The following DNAH11 variants were observed in gnomAD, a reference collection of about 807,000 sequenced individuals.
The protein encoded by DNAH11 is axonemal beta dynein heavy chain 11.
DNAH11 carries 442 observed loss-of-function variants against 526.0 expected under a neutral mutation model. That is an observed-to-expected ratio of 0.84 (90% CI 0.78 to 0.91). The LOEUF is 0.91. Ranked by LOEUF, DNAH11 falls within the 40% of genes least tolerant of loss-of-function variation. The pLI is 0.00. For synonymous variants in DNAH11, 2,461 were observed against 1,935.9 expected (o/e 1.27, Z -7.12); for missense variants, 6,989 against 5,448.7 (o/e 1.28, Z -8.90).
chr7:21,884,891 T>A (rs1187404478), intron 76 of DNAH11, among the ~76,000 whole-genome samples: 1 of 152,142 alleles, frequency 6.6e-6, no homozygotes, highest in Non-Finnish European at 1.5e-5. Flanking sequence ...TAGAAAATAG[T>A]CTACAGTTGG....
intron 34 of DNAH11, 68 bp from the exon 35 acceptor site, chr7:21,690,697 T>C: frequency 8.3e-7 from 1 of 1,206,838 alleles, no homozygotes; most frequent in Non-Finnish European, 1.2e-6. Flanking sequence ...TGCAGTGGTT[T>C]GCATTTGTCA....
At chr7:21,648,114 C>T (rs998434369) in intron 28 of DNAH11, among the ~76,000 whole-genome samples, 3 of 152,176 alleles carry the variant, frequency 2.0e-5, no homozygotes, top group African/African-American at 4.8e-5. Context: ...ATTATAATAA[C>T]TGGCTATGTT....
intron 36 of DNAH11, among the ~76,000 whole-genome samples, chr7:21,701,257 A>G (rs889072454): frequency 6.6e-6 from 1 of 151,316 alleles, no homozygotes; most frequent in Admixed American, 6.6e-5. Flanking sequence ...CACATGTACA[A>G]CTGAACCAAA....
At position 21,638,976 on chromosome 7, in the gene DNAH11, G is replaced by A. The variant is rs866705171; in HGVS notation, c.4855G>A (p.Glu1619Lys). The change falls in exon 28 of 82, where the codon GAA becomes AAA. Residue 1619 changes from glutamate (E) to lysine (K), a missense_variant. Coordinates refer to ENST00000409508, the MANE Select transcript of DNAH11 (RefSeq NM_001277115.2). The stretch of plus-strand genomic sequence containing the variant: ...TGAAAAAGCTCTCGCTGAATACCTG[G>A]AAACCAAGCGCATAGCCTTTCCTCG... Reference protein sequence around the residue: ...LCEKALAEYLETKRIAFPRFY... With the variant: ...LCEKALAEYLKTKRIAFPRFY... 1 of 1,612,992 alleles carries A rather than the reference G, an allele frequency of 6.2e-7. No individual in the cohort carries two copies. Among genetic ancestry groups the A allele is most frequent in the African/African-American group, 1.3e-5 (1 of 74,856 alleles).
At chr7:21,569,431 C>A (rs1363511017) in intron 6 of DNAH11, among the ~76,000 whole-genome samples, 1 of 152,056 alleles carries the variant, frequency 6.6e-6, no homozygotes, top group African/African-American at 2.4e-5. Flanking sequence ...TCGGTTGATC[C>A]CATGAGAATT....
intron 32 of DNAH11, among the ~76,000 whole-genome samples, chr7:21,685,042 T>C (rs1219274049): frequency 6.6e-6 from 1 of 152,252 alleles, no homozygotes; most frequent in African/African-American, 2.4e-5. Context: ...ACTACATTTG[T>C]GATTGTTCTT....
At chr7:21,896,885 C>T (rs537709611) in intron 79 of DNAH11, among the ~76,000 whole-genome samples, 1 of 151,940 alleles carries the variant, frequency 6.6e-6, no homozygotes, top group Non-Finnish European at 1.5e-5. Context: ...ATAATGAGAC[C>T]CTGTCTCTAA....
intron 45 of DNAH11, among the ~76,000 whole-genome samples, 172 bp from the exon 46 acceptor site, chr7:21,735,468 T>A (rs1386290734): frequency 1.3e-5 from 2 of 152,224 alleles, no homozygotes; most frequent in Non-Finnish European, 1.5e-5. Context: ...CCATTCAAAA[T>A]TGAAAATAAG....
In DNAH11 at chr7:21,546,450, T is replaced by G. The variant is rs183364293; in HGVS notation, c.495+1301T>G. On this transcript the variant is annotated intron_variant, in intron 2 of 81. Coordinates refer to ENST00000409508, the MANE Select transcript of DNAH11 (RefSeq NM_001277115.2). ...ATGACTTTGGTTCAATATGAGAATC[T>G]AGACCACTATCAACTGGAACTTGGA... is the stretch of plus-strand genomic sequence containing the variant. Among the ~76,000 whole-genome samples the G allele has an allele frequency of 4.6e-4, 70 of 152,332 alleles. 2 individuals carry two copies. The highest frequency in any genetic ancestry group is 3.7e-3 in the Admixed American group (57 of 15,308).
intron 2 of DNAH11, among the ~76,000 whole-genome samples, chr7:21,549,070 G>C (rs961799423): frequency 4.6e-5 from 7 of 152,188 alleles, no homozygotes; most frequent in Admixed American, 2.0e-4. Flanking sequence ...GTAGAGACAG[G>C]GTTTCGCCAT....
At chr7:21,879,885 G>A (rs951495407) in intron 74 of DNAH11, among the ~76,000 whole-genome samples, 5 of 152,116 alleles carry the variant, frequency 3.3e-5, no homozygotes, top group African/African-American at 1.2e-4. Context: ...AGGAGTTCAA[G>A]ACCAGCCTGG....
chr7:21,682,105 G>T (rs1783167035), intron 31 of DNAH11, among the ~76,000 whole-genome samples: 1 of 152,168 alleles, frequency 6.6e-6, no homozygotes, highest in African/African-American at 2.4e-5. Context: ...GAAGAGAGAG[G>T]TGTTGGTCAT....
At chr7:21,766,207 T>C (rs1787179180) in intron 55 of DNAH11, among the ~76,000 whole-genome samples, 1 of 152,214 alleles carries the variant, frequency 6.6e-6, no homozygotes, top group Admixed American at 6.5e-5. Context: ...CATTTTAAAA[T>C]GGTTGTACAA....
chr7:21,789,678 G>T (rs1308760600), intron 61 of DNAH11, among the ~76,000 whole-genome samples: 1 of 151,994 alleles, frequency 6.6e-6, no homozygotes, highest in East Asian at 1.9e-4. Context: ...GTTTACTGTT[G>T]CATCCCGTAC....
intron 61 of DNAH11, among the ~76,000 whole-genome samples, chr7:21,800,491 G>T (rs1244070719): frequency 6.6e-6 from 1 of 152,110 alleles, no homozygotes; most frequent in Non-Finnish European, 1.5e-5. Context: ...AATTAGCCGG[G>T]TGTGGTGGTG....
intron 75 of DNAH11, 132 bp downstream of exon 75, chr7:21,881,025 C>A: frequency 1.2e-6 from 1 of 826,024 alleles, no homozygotes; most frequent in Non-Finnish European, 1.8e-6. Context: ...TATGTATCTT[C>A]TGCCAAGTGT....
intron 25 of DNAH11, among the ~76,000 whole-genome samples, chr7:21,623,646 T>A (rs930251074): frequency 2.0e-5 from 3 of 152,066 alleles, no homozygotes; most frequent in Non-Finnish European, 2.9e-5. Flanking sequence ...TAAAAAATGA[T>A]GAGTTCATGT....
intron 14 of DNAH11, among the ~76,000 whole-genome samples, chr7:21,598,759 T>A (rs1455144041): frequency 6.6e-6 from 1 of 152,150 alleles, no homozygotes; most frequent in Admixed American, 6.6e-5. Flanking sequence ...CTCCTTTAGA[T>A]CCCAGTGTGT....
intron 62 of DNAH11, 148 bp downstream of exon 62, chr7:21,801,423 C>A (rs1788990329): frequency 9.1e-7 from 1 of 1,101,322 alleles, no homozygotes; most frequent in Non-Finnish European, 1.3e-6. Flanking sequence ...GGCTCTAACT[C>A]ACCAGAAGGA....
Sources: allele counts gnomAD v4.1 joint callset (sites outside exome capture counted in the v4.1 genomes callset), GRCh38; gene constraint gnomAD v4.1.1; transcripts MANE v1.5; gene names NCBI Gene and HGNC (gene_info 2026-07-23, HGNC 2026-07-21).